Variants in ATG4C observed in about 807,000 individuals in gnomAD.
The protein encoded by ATG4C is autophagy related 4C cysteine peptidase.
ATG4C carries 56 observed loss-of-function variants against 57.6 expected under a neutral mutation model. The ratio of observed to expected loss-of-function variants is 0.97; its 90% CI spans 0.78 to 1.21. The LOEUF is 1.21. Ranked by LOEUF, ATG4C falls within the 50% of genes most tolerant of loss-of-function variation. The pLI, the probability that ATG4C is intolerant of heterozygous loss-of-function variation, is 0.00. For synonymous variants in ATG4C, 157 were observed against 174.1 expected, an observed-to-expected ratio of 0.90 and a Z score of 0.78; for missense variants, 595 against 529.8, an observed-to-expected ratio of 1.12 and a Z score of -1.21.
intron 1 of ATG4C, among the ~76,000 whole-genome samples, chr1:62,798,479 T>C (rs1464636092): frequency 6.6e-6 from 1 of 152,204 alleles, no homozygotes; most frequent in Non-Finnish European, 1.5e-5. Context: ...TTTTATAGTG[T>C]GTTTTAATAT....
chr1:62,802,553 T>G (rs1024673885), intron 1 of ATG4C, among the ~76,000 whole-genome samples: 9 of 152,106 alleles, frequency 5.9e-5, no homozygotes, highest in Non-Finnish European at 1.3e-4. Flanking sequence ...ACTCATTATC[T>G]ACTTTTATTC....
At chr1:62,845,513 C>T (rs1457270393) in intron 10 of ATG4C, among the ~76,000 whole-genome samples, 1 of 151,930 alleles carries the variant, frequency 6.6e-6, no homozygotes, top group African/African-American at 2.4e-5. Context: ...ATATATTCTT[C>T]TAGGCCGCTA....
At chr1:62,841,640 A>G in intron 10 of ATG4C, 93 bp downstream of exon 10, 1 of 1,077,172 alleles carries the variant, frequency 9.3e-7, no homozygotes, top group Non-Finnish European at 1.3e-6. Context: ...ATAATTTTTT[A>G]TAAAATTTCC....
At chr1:62,787,419 G>A (rs1210722276) in intron 1 of ATG4C, among the ~76,000 whole-genome samples, 1 of 152,122 alleles carries the variant, frequency 6.6e-6, no homozygotes, top group Non-Finnish European at 1.5e-5. Context: ...AGATTTGGTA[G>A]TAAACTGGCA....
In ATG4C at chr1:62,834,655, A is replaced by C. The variant is rs1665942740; in HGVS notation, c.1013-121A>C. The C allele has an allele frequency of 4.3e-6, 3 of 698,862 alleles. No homozygotes were observed. In the South Asian group the frequency reaches 5.6e-5, roughly 13 times the overall value. 43.3% of individuals were successfully genotyped at this position (698,862 alleles called of 1,614,324 possible). A position where few individuals can be genotyped will look rare whatever the true frequency, so the allele number is the denominator to read the frequency against. On this transcript the variant is annotated intron_variant, in intron 8 of 10. Coordinates refer to ENST00000317868, the MANE Select transcript of ATG4C (RefSeq NM_032852.4). ...CAAACCTATGTTTCAGTCAATGAAT[A>C]TCAGTCTGGCAAGCTGTTACTCCCA...
At chr1:62,814,940 G>A (rs540565429) in intron 3 of ATG4C, among the ~76,000 whole-genome samples, 17 of 152,098 alleles carry the variant, frequency 1.1e-4, no homozygotes, top group African/African-American at 2.4e-4. Flanking sequence ...TGGTGCATGC[G>A]TGCAATCCCA....
At chr1:62,820,717 T>C (rs1160919810) in intron 5 of ATG4C, among the ~76,000 whole-genome samples, 1 of 152,080 alleles carries the variant, frequency 6.6e-6, no homozygotes, top group Non-Finnish European at 1.5e-5. Flanking sequence ...CATGCTGTTG[T>C]TTAAAGAACG....
At chr1:62,805,863 A>G (rs539313968) in intron 3 of ATG4C, among the ~76,000 whole-genome samples, 65 of 152,318 alleles carry the variant, frequency 4.3e-4, no homozygotes, top group Non-Finnish European at 8.5e-4. Flanking sequence ...ATTAAATGGC[A>G]GAGCTGAAAT....
At chr1:62,787,083 G>T (rs1204421709) in intron 1 of ATG4C, among the ~76,000 whole-genome samples, 1 of 152,158 alleles carries the variant, frequency 6.6e-6, no homozygotes, top group Admixed American at 6.5e-5. Flanking sequence ...CCTTCACCGA[G>T]GTAGAGAACA....
In ATG4C at chr1:62,864,190, A is replaced by G. The variant is rs372685221; in HGVS notation, c.*31A>G. The G allele has an allele frequency of 2.6e-6, 4 of 1,550,234 alleles. No homozygotes were observed. Among genetic ancestry groups the G allele is most frequent in the African/African-American group, 2.8e-5 (2 of 71,278 alleles). ...AGCACATTTGTGCTTGATAAGAAGA[A>G]TTCCATTGAAAGGGGAAAAATGAAG... is the stretch of plus-strand genomic sequence containing the variant. On this transcript the variant is annotated 3_prime_UTR_variant, in exon 11 of 11. Transcript: ENST00000317868.
intron 3 of ATG4C, among the ~76,000 whole-genome samples, chr1:62,807,566 A>T (rs889368889): frequency 6.6e-6 from 1 of 152,190 alleles, no homozygotes; most frequent in African/African-American, 2.4e-5. Flanking sequence ...CCTCCATAAG[A>T]ATCCCTGAAA....
intron 6 of ATG4C, among the ~76,000 whole-genome samples, chr1:62,827,284 G>A (rs1487708626): frequency 6.6e-6 from 1 of 152,162 alleles, no homozygotes; most frequent in Non-Finnish European, 1.5e-5. Context: ...CTGGCATCTT[G>A]TTCCTGGGAC....
At chr1:62,863,941 A>G (rs778154771) in intron 10 of ATG4C, 51 bp from the exon 11 acceptor site, 115 of 1,301,092 alleles carry the variant, frequency 8.8e-5, no homozygotes, top group Middle Eastern at 2.8e-4. Flanking sequence ...GTGTGGTCTT[A>G]GTGTGCACTA....
intron 3 of ATG4C, among the ~76,000 whole-genome samples, chr1:62,811,794 AT>A: frequency 6.6e-6 from 1 of 152,152 alleles, no homozygotes; most frequent in East Asian, 1.9e-4. Context: ...CTTTATAGTA[AT>A]TCCTACTTAA....
Position 62,805,252 on chromosome 1 carries a change from G to A in ATG4C, c.157G>A (p.Glu53Lys). The change falls in exon 3 of 11, where the codon GAA (glutamate) becomes AAA (lysine). Residue 53 changes from glutamate to lysine, a missense_variant. By Grantham distance (56) the Glu-to-Lys change is moderately conservative. Coordinates refer to ENST00000317868, the MANE Select transcript of ATG4C (RefSeq NM_032852.4). ...LLGKCYHFKYEDEDKTLPAES... is the reference protein window; with the variant it reads ...LLGKCYHFKYKDEDKTLPAES... ...TGGAAAATGTTACCATTTTAAATAT[G>A]AAGGTAAGTACAAAATTTGTAAACC... 1 of 1,505,590 alleles carries A rather than the reference G, an allele frequency of 6.6e-7. No individual in the cohort carries two copies. Among genetic ancestry groups the A allele is most frequent in the Non-Finnish European group, 8.8e-7 (1 of 1,137,588 alleles). The allele number at this position is 1,505,590 out of a possible 1,614,324, so 93.3% of individuals were successfully genotyped here.
rs375126338 is a variant in ATG4C, at chr1:62,805,158, T to C, written c.77-14T>C. The C allele has an allele frequency of 7.6e-5, 116 of 1,518,560 alleles. No individual in the cohort carries two copies. Among genetic ancestry groups the C allele is most frequent in the Non-Finnish European group, 9.4e-5 (108 of 1,146,254 alleles). The allele number at this position is 1,518,560 out of a possible 1,614,324, so 94.1% of individuals were successfully genotyped here. Reference sequence around the variant, plus strand: ...TTACAAAACGTTTTCTTTTCTTTTTTTTTTTTTTGCTAGGTTGGGTGTTGA... The same window carrying C: ...TTACAAAACGTTTTCTTTTCTTTTTCTTTTTTTTGCTAGGTTGGGTGTTGA... On this transcript the variant is annotated splice_polypyrimidine_tract_variant and intron_variant, in intron 2 of 10. Coordinates refer to ENST00000317868, the MANE Select transcript of ATG4C (RefSeq NM_032852.4).
chr1:62,802,964 G>C (rs1474788218), intron 1 of ATG4C, among the ~76,000 whole-genome samples: 1 of 152,176 alleles, frequency 6.6e-6, no homozygotes. Context: ...GTAATGTTCT[G>C]TGCAGCATTC....
intron 10 of ATG4C, among the ~76,000 whole-genome samples, chr1:62,850,870 A>AT (rs1557992624): frequency 1.2e-5 from 1 of 83,502 alleles, no homozygotes; most frequent in Non-Finnish European, 2.6e-5. Flanking sequence ...ATATATATAT[A>AT]TATATATATA....
chr1:62,830,589 G>A (rs1665810737), intron 7 of ATG4C, among the ~76,000 whole-genome samples: 1 of 152,056 alleles, frequency 6.6e-6, no homozygotes. Flanking sequence ...AGTGATTCAT[G>A]GTTAATAGCT....
Sources: allele counts gnomAD v4.1 joint callset (sites outside exome capture counted in the v4.1 genomes callset), GRCh38; gene constraint gnomAD v4.1.1; transcripts MANE v1.5; gene names NCBI Gene and HGNC (gene_info 2026-07-23, HGNC 2026-07-21).